The following DDX31 variants were observed in gnomAD, a reference collection of about 807,000 sequenced individuals.
DDX31 encodes the protein DEAD-box helicase 31, also known as ATP-dependent DNA helicase DDX31.
Under a neutral mutation model 91.3 loss-of-function variants are expected in DDX31, and 70 were observed. The observed-to-expected ratio is 0.77, with a 90% CI of 0.63 to 0.94. The LOEUF (loss-of-function observed/expected upper bound fraction) is 0.94. DDX31 is among the 40% of genes least tolerant of loss of function. DDX31 has a pLI of 0.00. For missense variants in DDX31, 902 were observed against 925.0 expected (o/e 0.98, Z 0.32); for synonymous variants, 362 against 350.6 (o/e 1.03, Z -0.36).
At chr9:132,608,570 A>G (rs1035470282) in intron 19 of DDX31, among the ~76,000 whole-genome samples, 1 of 152,156 alleles carries the variant, frequency 6.6e-6, no homozygotes, top group Non-Finnish European at 1.5e-5. Context: ...GACAGGTGAG[A>G]CAGGCTTCTG....
chr9:132,626,468 G>C (rs995374462), intron 16 of DDX31, among the ~76,000 whole-genome samples: 2 of 152,212 alleles, frequency 1.3e-5, no homozygotes, highest in African/African-American at 4.8e-5. Flanking sequence ...CAACTGCAAG[G>C]CCACAGCATT....
At chr9:132,627,825 G>C (rs957784343) in intron 16 of DDX31, among the ~76,000 whole-genome samples, 1 of 152,132 alleles carries the variant, frequency 6.6e-6, no homozygotes, top group Non-Finnish European at 1.5e-5. Context: ...CGAGAGCCTC[G>C]GCCTGCCTTC....
chr9:132,622,444 G>C (rs1832090923), intron 17 of DDX31, among the ~76,000 whole-genome samples: 1 of 152,238 alleles, frequency 6.6e-6, no homozygotes, highest in African/African-American at 2.4e-5. Flanking sequence ...GTTGCTGACA[G>C]AGTGGAGGGA....
chr9:132,629,422 C>T (rs1030419914), intron 16 of DDX31, among the ~76,000 whole-genome samples: 1 of 152,198 alleles, frequency 6.6e-6, no homozygotes, highest in African/African-American at 2.4e-5. Context: ...AAAAGTCTTA[C>T]TAGCATGAGA....
At chr9:132,596,791 T>C (rs747045924) in intron 19 of DDX31, among the ~76,000 whole-genome samples, 8 of 152,084 alleles carry the variant, frequency 5.3e-5, no homozygotes, top group Non-Finnish European at 1.0e-4. Context: ...GGGTCCTCTG[T>C]GGTCTCCTAA....
chr9:132,662,525 G>A lies in DDX31; in HGVS notation c.246C>T (p.Ser82=). 1 of 1,614,184 alleles carries A rather than the reference G, an allele frequency of 6.2e-7. No individual in the cohort carries two copies. Among genetic ancestry groups the A allele is most frequent in the Non-Finnish European group, 8.5e-7 (1 of 1,180,038 alleles). ...TCTCCTCCTGGTTTCTATCACTTGT[G>A]CTAACCGAATGCTTCTTTGGAGAAA... ...KMFSPKKHSV[S]TSDRNQEERQ... is the part of the protein sequence containing the mutation. Residue 82 remains serine, a synonymous_variant, in exon 2 of 20, where the codon AGC becomes AGT. Coordinates refer to ENST00000372159, the MANE Select transcript of DDX31 (RefSeq NM_022779.9).
At chr9:132,603,025 C>T (rs1182825853) in intron 19 of DDX31, among the ~76,000 whole-genome samples, 1 of 149,814 alleles carries the variant, frequency 6.7e-6, no homozygotes, top group Non-Finnish European at 1.5e-5. Context: ...ATCACATGAC[C>T]GGGCTCCGAG....
Position 132,618,429 on chromosome 9 carries a change from C to CA in DDX31, c.1725dup (p.Val576CysfsTer18), listed in dbSNP as rs768260089. The stretch of plus-strand genomic sequence containing the variant: ...CGCTCTCGGATTTCCTGGGGGCCAA[C>CA]AGCATGGGATTTCTGAGAGGGCGAC... On this transcript the variant is annotated frameshift_variant, in exon 18 of 20. Coordinates refer to ENST00000372159, the MANE Select transcript of DDX31 (RefSeq NM_022779.9). LOFTEE classifies it high-confidence loss of function. 1.2e-6 allele frequency: 2 copies of CA among 1,610,692 alleles called. No individual in the cohort carries two copies. Among genetic ancestry groups the CA allele is most frequent in the Non-Finnish European group, 1.7e-6 (2 of 1,178,572 alleles).
At chr9:132,640,643 C>T (rs764872465) in intron 14 of DDX31, among the ~76,000 whole-genome samples, 34 of 151,986 alleles carry the variant, frequency 2.2e-4, no homozygotes, top group Non-Finnish European at 3.5e-4. Flanking sequence ...ACTATGGGCA[C>T]GTGCCACCAT....
chr9:132,663,185 T>A, intron 1 of DDX31: 1 of 1,289,452 alleles, frequency 7.8e-7, no homozygotes, highest in Non-Finnish European at 1.0e-6. Context: ...GGAATGCGCA[T>A]CTCAGCCCGT....
At position 132,638,113 on chromosome 9, in the gene DDX31, C is replaced by T. The variant is rs576247075; in HGVS notation, c.1440+3891G>A. ...ACGCGCCGGACAGCCAAGGAGGATG[C>T]CAAGGGACAGTTGGCGCCCAGGGCG... On this transcript the variant is annotated intron_variant, in intron 14 of 19. Coordinates refer to ENST00000372159, the MANE Select transcript of DDX31 (RefSeq NM_022779.9). 2.6e-5 allele frequency: 35 copies of T among 1,368,992 alleles called. No homozygotes were observed. In the South Asian group the frequency reaches 5.6e-4, roughly 22 times the overall value. 84.8% of individuals were successfully genotyped at this position (1,368,992 alleles called of 1,614,324 possible).
intron 1 of DDX31, among the ~76,000 whole-genome samples, chr9:132,666,874 C>T (rs1263264983): frequency 6.6e-6 from 1 of 152,050 alleles, no homozygotes; most frequent in Non-Finnish European, 1.5e-5. Flanking sequence ...CCACCACACC[C>T]GGCTAATTTT....
rs190715926 is a variant in DDX31, at chr9:132,599,451, T to C, written c.1995-4339A>G. Among the ~76,000 whole-genome samples, 20 of 152,368 alleles carry C rather than the reference T, an allele frequency of 1.3e-4. No homozygotes were observed. In the East Asian group the frequency reaches 3.1e-3, roughly 23 times the overall value. ...ATGTATACGTGCAAAGTCTGAAGGA[T>C]ATAGGAAATGTATCAGGGTTAACCT... is the stretch of plus-strand genomic sequence containing the variant. On this transcript the variant is annotated intron_variant, in intron 19 of 19. Coordinates refer to ENST00000372159, the MANE Select transcript of DDX31 (RefSeq NM_022779.9).
intron 1 of DDX31, among the ~76,000 whole-genome samples, chr9:132,665,974 T>C (rs540350476): frequency 1.3e-5 from 2 of 152,354 alleles, no homozygotes; most frequent in South Asian, 4.1e-4. Flanking sequence ...TTTTATTAAC[T>C]GCATCCTCTT....
chr9:132,656,752 T>C (rs1373979761), intron 6 of DDX31, among the ~76,000 whole-genome samples: 1 of 152,218 alleles, frequency 6.6e-6, no homozygotes, highest in African/African-American at 2.4e-5. Flanking sequence ...TATAAGCCAT[T>C]CCAGCTCAAA....
At chr9:132,624,743 C>T (rs1832290796) in intron 17 of DDX31, among the ~76,000 whole-genome samples, 1 of 152,176 alleles carries the variant, frequency 6.6e-6, no homozygotes, top group Non-Finnish European at 1.5e-5. Flanking sequence ...ACACACTTTG[C>T]TAATAGAGGC....
chr9:132,596,185 A>C (rs555145500), intron 19 of DDX31, among the ~76,000 whole-genome samples: 2 of 152,360 alleles, frequency 1.3e-5, no homozygotes, highest in South Asian at 4.1e-4. Flanking sequence ...AACTGAACTG[A>C]AACTGTGGTC....
chr9:132,648,240 C>T lies in DDX31; in HGVS notation c.916G>A (p.Ala306Thr). ...DITVILNAVN[A>T]ECQKRQNVLL... is the part of the protein sequence containing the mutation. ...ACATTCTGTCGTTTTTGGCATTCAG[C>T]ATTTACAGCATTAAGTATCACTGTG... is the stretch of plus-strand genomic sequence containing the variant. Residue 306 changes from alanine (A) to threonine (T), a missense_variant, in exon 11 of 20, where the codon GCT (alanine) becomes ACT (threonine). Coordinates refer to ENST00000372159, the MANE Select transcript of DDX31 (RefSeq NM_022779.9). 4 of 1,613,992 alleles carry T rather than the reference C, an allele frequency of 2.5e-6. No homozygotes were observed. The highest frequency in any genetic ancestry group is 3.4e-6 in the Non-Finnish European group (4 of 1,179,972).
At chr9:132,597,857 C>G (rs189151494) in intron 19 of DDX31, among the ~76,000 whole-genome samples, 1 of 152,170 alleles carries the variant, frequency 6.6e-6, no homozygotes, top group East Asian at 1.9e-4. Flanking sequence ...ACCACTGGTG[C>G]GTACATTGCG....
Sources: allele counts gnomAD v4.1 joint callset (sites outside exome capture counted in the v4.1 genomes callset), GRCh38; gene constraint gnomAD v4.1.1; transcripts MANE v1.5; gene names NCBI Gene and HGNC (gene_info 2026-07-23, HGNC 2026-07-21).